IFT122: variants seen among roughly 807,000 people sequenced by gnomAD.
The protein encoded by IFT122 is intraflagellar transport 122.
IFT122 carries 118 observed loss-of-function variants against 161.6 expected under a neutral mutation model. That is an observed-to-expected ratio of 0.73 (90% CI 0.63 to 0.85). The LOEUF (loss-of-function observed/expected upper bound fraction) is 0.85, where lower values mean the gene tolerates loss of function less well. IFT122 is among the 40% of genes least tolerant of loss of function. The pLI is 0.00. For missense variants in IFT122, 1,381 were observed against 1,579.6 expected (o/e 0.87, Z 2.13); for synonymous variants, 550 against 602.4 (o/e 0.91, Z 1.27).
intron 29 of IFT122, 141 bp downstream of exon 29, chr3:129,519,873 C>G: frequency 4.9e-6 from 5 of 1,011,794 alleles, no homozygotes; most frequent in African/African-American, 3.1e-5. Context: ...TCTGTCCTCT[C>G]CCCTGCTTGC....
At chr3:129,469,102 G>C (rs905059864) in intron 8 of IFT122, among the ~76,000 whole-genome samples, 1 of 152,214 alleles carries the variant, frequency 6.6e-6, no homozygotes, top group Non-Finnish European at 1.5e-5. Context: ...AGCACCATAA[G>C]GTCATAGCAG....
At chr3:129,452,088 G>A in intron 3 of IFT122, 90 bp downstream of exon 3, 1 of 1,013,862 alleles carries the variant, frequency 9.9e-7, no homozygotes. Flanking sequence ...TTTCTAGTAA[G>A]CTGGAGTACA....
At chr3:129,502,935 C>A in intron 20 of IFT122, 53 bp downstream of exon 20, 1 of 1,580,388 alleles carries the variant, frequency 6.3e-7, no homozygotes, top group Non-Finnish European at 8.6e-7. Flanking sequence ...CCCTGGGACA[C>A]AGGCGGGTGG....
At chr3:129,448,300 C>T (rs1308027344) in intron 1 of IFT122, among the ~76,000 whole-genome samples, 4 of 152,138 alleles carry the variant, frequency 2.6e-5, no homozygotes, top group African/African-American at 9.7e-5. Flanking sequence ...CAGCTGACAG[C>T]GTTCTCGAAA....
chr3:129,477,967 C>G (rs764871292), intron 11 of IFT122, 49 bp from the exon 12 acceptor site: 38 of 1,498,458 alleles, frequency 2.5e-5, no homozygotes, highest in Middle Eastern at 3.4e-4. Flanking sequence ...CTGCCTTGCA[C>G]CTTACATAAC....
intron 18 of IFT122, among the ~76,000 whole-genome samples, chr3:129,498,100 T>C (rs1027400005): frequency 6.6e-6 from 1 of 152,232 alleles, no homozygotes; most frequent in Non-Finnish European, 1.5e-5. Flanking sequence ...CCCCAGATAA[T>C]GTGTAACTTA....
intron 3 of IFT122, among the ~76,000 whole-genome samples, chr3:129,452,923 G>A (rs2075022736): frequency 6.6e-6 from 1 of 152,108 alleles, no homozygotes; most frequent in South Asian, 2.1e-4. Context: ...TAATGGGAGG[G>A]TGGAGCCAAC....
chr3:129,516,296 ACACACACACACAGAGACTGCCCCTG>A (rs1355419429), intron 26 of IFT122, among the ~76,000 whole-genome samples: 2 of 133,054 alleles, frequency 1.5e-5, no homozygotes, highest in African/African-American at 6.1e-5. Flanking sequence ...GCACACACAC[ACACACACACACAGAGACTGCCCCTG>A]CACACACACA....
At chr3:129,511,952 T>G (rs372361482) in intron 23 of IFT122, among the ~76,000 whole-genome samples, 1 of 152,196 alleles carries the variant, frequency 6.6e-6, no homozygotes, top group African/African-American at 2.4e-5. Context: ...AGAAATGGAA[T>G]AATTACCAAC....
chr3:129,510,191 A>G (rs1578104339), intron 23 of IFT122, among the ~76,000 whole-genome samples: 2 of 152,286 alleles, frequency 1.3e-5, no homozygotes, highest in African/African-American at 4.8e-5. Flanking sequence ...CTCCCAGAGC[A>G]CTGGGATTAC....
chr3:129,498,928 A>G (rs2081210877), intron 18 of IFT122, among the ~76,000 whole-genome samples: 1 of 152,232 alleles, frequency 6.6e-6, no homozygotes, highest in African/African-American at 2.4e-5. Context: ...ATTTTGGGTA[A>G]CTACTCTGAA....
At chr3:129,490,734 G>T (rs1263621895) in intron 16 of IFT122, among the ~76,000 whole-genome samples, 1 of 152,192 alleles carries the variant, frequency 6.6e-6, no homozygotes, top group Non-Finnish European at 1.5e-5. Flanking sequence ...TTGCAGGGTT[G>T]CCCTCTCAAG....
intron 1 of IFT122, among the ~76,000 whole-genome samples, chr3:129,441,700 C>T (rs1244598982): frequency 6.6e-6 from 1 of 152,186 alleles, no homozygotes; most frequent in Non-Finnish European, 1.5e-5. Context: ...GCATCTTCAA[C>T]ACTAGGAATT....
intron 1 of IFT122, among the ~76,000 whole-genome samples, chr3:129,442,612 C>T (rs2073381655): frequency 6.6e-6 from 1 of 151,928 alleles, no homozygotes; most frequent in African/African-American, 2.4e-5. Flanking sequence ...CTAAAAAAAT[C>T]CTAGATGTCA....
chr3:129,501,307 C>G (rs1424210676), intron 19 of IFT122, among the ~76,000 whole-genome samples: 2 of 152,138 alleles, frequency 1.3e-5, no homozygotes, highest in East Asian at 1.9e-4. Context: ...CTTCTGGAAA[C>G]AACGTTGTGG....
At chr3:129,517,158 C>T (rs866066902) in intron 26 of IFT122, among the ~76,000 whole-genome samples, 7 of 146,220 alleles carry the variant, frequency 4.8e-5, no homozygotes, top group African/African-American at 1.3e-4. Flanking sequence ...TGCACACACA[C>T]GGAGACTGCC....
chr3:129,449,358 G>GA (rs111388105), intron 1 of IFT122, among the ~76,000 whole-genome samples: 25 of 151,058 alleles, frequency 1.7e-4, no homozygotes, highest in Middle Eastern at 3.4e-3. Flanking sequence ...GAGAAAATGT[G>GA]AAAAAAAAAT....
chr3:129,466,725 ACTC>A (rs1421601163), intron 7 of IFT122, among the ~76,000 whole-genome samples, 162 bp from the exon 8 acceptor site: 1 of 149,568 alleles, frequency 6.7e-6, no homozygotes, highest in Non-Finnish European at 1.5e-5. Flanking sequence ...CTGGTCTTGA[ACTC>A]CTGATCTCGA....
Position 129,466,960 on chromosome 3 carries a change from C to G in IFT122, c.634C>G (p.Gln212Glu), listed in dbSNP as rs1259758727. The G allele has an allele frequency of 4.3e-6, 7 of 1,613,936 alleles. No homozygotes were observed. The highest frequency in any genetic ancestry group is 5.9e-6 in the Non-Finnish European group (7 of 1,179,904). The change falls in exon 8 of 30, where the codon CAG (glutamine) becomes GAG (glutamate). Residue 212 changes from glutamine to glutamate, a missense_variant. By Grantham distance (29) the Gln-to-Glu change is conservative. Transcript: ENST00000348417. ...GGATGTCATTGTCAACAGATATATT[C>G]AGGAAATCCCTTCCACTCTGAAGTC... The part of the protein sequence containing the change: ...AEDVIVNRYI[Q>E]EIPSTLKSAV...
Sources: allele counts gnomAD v4.1 joint callset (sites outside exome capture counted in the v4.1 genomes callset), GRCh38; gene constraint gnomAD v4.1.1; transcripts MANE v1.5; gene names NCBI Gene and HGNC (gene_info 2026-07-23, HGNC 2026-07-21).